CARD10: variants seen among roughly 807,000 people sequenced by gnomAD.
CARD10 encodes caspase recruitment domain-containing protein 10.
CARD10 carries 49 observed loss-of-function variants against 114.6 expected under a neutral mutation model. The observed-to-expected ratio is 0.43, with a 90% CI of 0.34 to 0.54. CARD10 has a LOEUF of 0.54. Ranked by LOEUF, CARD10 falls within the 20% of genes least tolerant of loss-of-function variation. CARD10 has a pLI of 0.03. For missense variants in CARD10, 1,206 were observed against 1,397.2 expected (o/e 0.86, Z 2.18); for synonymous variants, 602 against 593.2 (o/e 1.01, Z -0.21).
chr22:37,517,830 G>A, intron 2 of CARD10, 141 bp downstream of exon 2: 2 of 1,131,330 alleles, frequency 1.8e-6, no homozygotes, highest in Admixed American at 2.7e-5. Context: ...TGGGGCCCTG[G>A]GCAAGCCCCT....
Position 37,519,056 on chromosome 22 carries a change from G to A in CARD10, c.145C>T (p.Pro49Ser). 1 of 1,594,982 alleles carries A rather than the reference G, an allele frequency of 6.3e-7. No individual in the cohort carries two copies. The highest frequency in any genetic ancestry group is 8.5e-7 in the Non-Finnish European group (1 of 1,177,416). Residue 49 changes from proline (P) to serine (S), a missense_variant, in exon 1 of 20, where the codon CCG becomes TCG. Pro to Ser is a moderately conservative substitution (Grantham distance 74). This residue lies in a region of CARD10 where 138 missense variants were observed against 218.0 expected (regional missense o/e 0.63). Transcript: ENST00000251973. This position sits in a 1 kb window ranked among gnomAD's most constrained non-coding sequence, Gnocchi z 4.1. ...ARALNPAKLT[P>S]YLRQCRVIDE... The stretch of plus-strand genomic sequence containing the variant: ...ATGACCCGGCACTGGCGCAGATACG[G>A]CGTGAGCTTGGCCGGGTTCAGGGCG...
chr22:37,495,179 G>A (rs1409872987), intron 15 of CARD10, among the ~76,000 whole-genome samples: 1 of 152,186 alleles, frequency 6.6e-6, no homozygotes, highest in Non-Finnish European at 1.5e-5. Context: ...TGTTAGCCAG[G>A]ATGGTCTCGA....
At position 37,508,566 on chromosome 22, in the gene CARD10, C is replaced by G; in HGVS notation, c.1026G>C (p.Val342=). The part of the protein sequence containing the change: ...RQELCQKLHA[V]QGELQWAEEL... ...CCTCGGCCCACTGCAGCTCCCCCTG[C>G]ACGGCATGCAGCTTCTGGCACAGCT... Residue 342 remains valine (V), a synonymous_variant, in exon 5 of 20, where the codon GTG becomes GTC. Coordinates refer to ENST00000251973, the MANE Select transcript of CARD10 (RefSeq NM_014550.4). The G allele has an allele frequency of 6.3e-7, 1 of 1,597,846 alleles. No individual in the cohort carries two copies. Among genetic ancestry groups the G allele is most frequent in the Non-Finnish European group, 8.5e-7 (1 of 1,178,002 alleles).
Position 37,492,921 on chromosome 22 carries a change from C to T in CARD10, c.2477-119G>A. The T allele has an allele frequency of 6.7e-6, 7 of 1,042,574 alleles. No individual in the cohort carries two copies. 64.6% of individuals were successfully genotyped at this position (1,042,574 alleles called of 1,614,324 possible). On this transcript the variant is annotated intron_variant, in intron 16 of 19. Transcript: ENST00000251973. This position sits in a 1 kb window ranked among gnomAD's most constrained non-coding sequence, Gnocchi z 5.7. The stretch of plus-strand genomic sequence containing the variant: ...TTCCTAAGTCCTGCTGCTGCTCCTC[C>T]TACACATGCACACACACACACCCTT...
intron 6 of CARD10, among the ~76,000 whole-genome samples, chr22:37,507,242 A>G (rs1569165740): frequency 6.6e-6 from 1 of 152,236 alleles, no homozygotes; most frequent in Non-Finnish European, 1.5e-5. Flanking sequence ...CTGCACTCCA[A>G]CCTGGGCAAC....
intron 15 of CARD10, 34 bp downstream of exon 15, chr22:37,495,483 G>GC: frequency 6.3e-7 from 1 of 1,575,764 alleles, no homozygotes. Context: ...CACCCTTGGG[G>GC]CCCCCCACCC....
At position 37,497,603 on chromosome 22, in the gene CARD10, C is replaced by G. The variant is rs186427674; in HGVS notation, c.1788-425G>C. Among the ~76,000 whole-genome samples, 63 of 152,286 alleles carry G rather than the reference C, an allele frequency of 4.1e-4. 1 individual carries two copies. In the East Asian group the frequency reaches 0.012, roughly 29 times the overall value. The stretch of plus-strand genomic sequence containing the variant: ...ATATAGCCAAGCACGGTGGCTCACG[C>G]CTGTAATCCCAGCACTTTGGGAGGC... On this transcript the variant is annotated intron_variant, in intron 11 of 19. Transcript: ENST00000251973.
rs1314462865 is a variant in CARD10 at position 37,492,192 on chromosome 22, T to A, written c.2751+243A>T. On this transcript the variant is annotated intron_variant, in intron 18 of 19. Coordinates refer to ENST00000251973, the MANE Select transcript of CARD10 (RefSeq NM_014550.4). The surrounding 1 kb of genome is among the most constrained non-coding windows in gnomAD (Gnocchi z 5.7). Reference sequence around the variant, plus strand: ...AGTGGCAAGTTCAAGGATAAGGATGTGTAGGTGAGCTGTGTCAGCCAAACA... The same window carrying A: ...AGTGGCAAGTTCAAGGATAAGGATGAGTAGGTGAGCTGTGTCAGCCAAACA... Among the ~76,000 whole-genome samples, 2 of 151,934 alleles carry A rather than the reference T, an allele frequency of 1.3e-5. No individual in the cohort carries two copies. Among genetic ancestry groups the A allele is most frequent in the African/African-American group, 4.8e-5 (2 of 41,342 alleles).
At chr22:37,494,744 T>G (rs916419757) in intron 15 of CARD10, among the ~76,000 whole-genome samples, 6 of 152,154 alleles carry the variant, frequency 3.9e-5, no homozygotes, top group Non-Finnish European at 8.8e-5. Context: ...ACTTTACAGA[T>G]GAGGAAACAA....
At chr22:37,517,856 C>T in intron 2 of CARD10, 115 bp downstream of exon 2, 4 of 1,360,860 alleles carry the variant, frequency 2.9e-6, no homozygotes, top group Non-Finnish European at 3.9e-6. Flanking sequence ...CTCTCCATGC[C>T]TCAGTTTCCC....
At chr22:37,518,151 C>T in intron 1 of CARD10, 43 bp from the exon 2 acceptor site, 2 of 1,594,568 alleles carry the variant, frequency 1.3e-6, no homozygotes, top group Middle Eastern at 3.4e-4. Flanking sequence ...TAGGGGAAGG[C>T]CTCCCCAGGT....
Position 37,507,847 on chromosome 22 carries a change from A to G in CARD10, c.1173T>C (p.Ile391=). Reference sequence around the variant, plus strand: ...GGCTCACCTGGTCTCGCTCCTTCTCAATCTCCTCCAGTTGGGCCAGGACAG... The same window carrying G: ...GGCTCACCTGGTCTCGCTCCTTCTCGATCTCCTCCAGTTGGGCCAGGACAG... ...MATVLAQLEE[I]EKERDQAIQS... is the part of the protein sequence containing the mutation. Residue 391 remains isoleucine (I), a synonymous_variant, in exon 6 of 20, where the codon ATT becomes ATC. Transcript: ENST00000251973. 1 of 1,614,112 alleles carries G rather than the reference A, an allele frequency of 6.2e-7. No individual in the cohort carries two copies. The highest frequency in any genetic ancestry group is 8.5e-7 in the Non-Finnish European group (1 of 1,179,990).
At position 37,516,306 on chromosome 22, in the gene CARD10, G is replaced by A. The variant is rs1923845334; in HGVS notation, c.374-8C>T. ...CCTCAGGCCCCTCCTCATCTGCCAG[G>A]ACAGAACAGGGGACAGAATAGGCAG... On this transcript the variant is annotated splice_region_variant and splice_polypyrimidine_tract_variant and intron_variant, in intron 2 of 19. Transcript: ENST00000251973. The A allele has an allele frequency of 1.3e-6, 2 of 1,574,856 alleles. No individual in the cohort carries two copies. Among genetic ancestry groups the A allele is most frequent in the Admixed American group, 1.7e-5 (1 of 58,234 alleles).
At chr22:37,511,403 A>C (rs1321274984) in intron 3 of CARD10, among the ~76,000 whole-genome samples, 29 of 101,422 alleles carry the variant, frequency 2.9e-4, no homozygotes, top group Non-Finnish European at 4.8e-4. Context: ...GGGGGTGAGG[A>C]GGAGGAGGGG....
At chr22:37,508,742 G>A in intron 4 of CARD10, 60 bp from the exon 5 acceptor site, 4 of 1,480,454 alleles carry the variant, frequency 2.7e-6, no homozygotes, top group East Asian at 2.5e-5. Flanking sequence ...CTGGGTGTGG[G>A]AAGGAAGGGG....
intron 10 of CARD10, among the ~76,000 whole-genome samples, chr22:37,502,947 C>T (rs1245302928): frequency 1.3e-5 from 2 of 152,228 alleles, no homozygotes; most frequent in East Asian, 3.9e-4. Context: ...TGAAGAGCCT[C>T]GTACATCACA....
chr22:37,504,401 G>A, intron 8 of CARD10, 100 bp from the exon 9 acceptor site: 1 of 1,084,282 alleles, frequency 9.2e-7, no homozygotes, highest in Non-Finnish European at 1.3e-6. Flanking sequence ...GAGAAGTAGG[G>A]CCCAGAGCAG....
At chr22:37,507,991 T>C (rs1923473427) in intron 5 of CARD10, 37 bp from the exon 6 acceptor site, 50 of 1,611,464 alleles carry the variant, frequency 3.1e-5, no homozygotes, top group Non-Finnish European at 4.1e-5. Context: ...ACCACAGGGC[T>C]GGGGACCATG....
chr22:37,517,325 ATG>A (rs1251097616), intron 2 of CARD10, among the ~76,000 whole-genome samples: 1 of 152,146 alleles, frequency 6.6e-6, no homozygotes, highest in Non-Finnish European at 1.5e-5. Flanking sequence ...GCGTGTGTGT[ATG>A]TGTTTGTGTT....
Sources: allele counts gnomAD v4.1 joint callset (sites outside exome capture counted in the v4.1 genomes callset), GRCh38; gene constraint gnomAD v4.1.1; regional missense constraint gnomAD v4.1.1; non-coding constraint Gnocchi (gnomAD v3.1); transcripts MANE v1.5; gene names NCBI Gene and HGNC (gene_info 2026-07-23, HGNC 2026-07-21).